The following CSMD1 variants were observed in gnomAD, a reference collection of about 807,000 sequenced individuals.
CSMD1 encodes CUB and sushi domain-containing protein 1.
In CSMD1, 213 loss-of-function variants were observed where a neutral mutation model predicts 417.5. That is an observed-to-expected ratio of 0.51 (90% CI 0.46 to 0.57). The LOEUF (loss-of-function observed/expected upper bound fraction) is 0.57. Among genes scored for constraint, CSMD1 ranks in the 20% least tolerant of loss-of-function variants. The pLI, the probability that CSMD1 is intolerant of heterozygous loss-of-function variation, is 0.00. For missense variants in CSMD1, 6,923 were observed against 4,529.7 expected (o/e 1.53, Z -15.17); for synonymous variants, 2,862 against 1,736.8 (o/e 1.65, Z -16.11).
chr8:4,087,864 T>A (rs942955005), intron 3 of CSMD1, among the ~76,000 whole-genome samples: 1 of 152,146 alleles, frequency 6.6e-6, no homozygotes, highest in East Asian at 1.9e-4. Flanking sequence ...GTGACCTAGG[T>A]GAATTTCTAC....
At chr8:3,246,599 G>A (rs1337216447) in intron 26 of CSMD1, among the ~76,000 whole-genome samples, 1 of 152,146 alleles carries the variant, frequency 6.6e-6, no homozygotes, top group African/African-American at 2.4e-5. Flanking sequence ...AGCCTCCTGA[G>A]TAGCTGGGAT....
chr8:4,889,223 G>C (rs915461906), intron 1 of CSMD1, among the ~76,000 whole-genome samples: 1 of 152,062 alleles, frequency 6.6e-6, no homozygotes, highest in Non-Finnish European at 1.5e-5. Flanking sequence ...GGTATCAGTA[G>C]GAATGACTCT....
At chr8:4,231,640 G>A (rs868204378) in intron 3 of CSMD1, among the ~76,000 whole-genome samples, 1 of 152,138 alleles carries the variant, frequency 6.6e-6, no homozygotes, top group South Asian at 2.1e-4. Context: ...CTTTACTGCA[G>A]GCTCTGTCTG....
At chr8:3,571,814 A>T (rs931640796) in intron 10 of CSMD1, among the ~76,000 whole-genome samples, 22 of 151,990 alleles carry the variant, frequency 1.4e-4, no homozygotes, top group African/African-American at 5.3e-4. Flanking sequence ...AGACCTTATC[A>T]TCTTTCATCT....
Position 3,300,329 on chromosome 8 carries a change from G to T in CSMD1, c.3950+7366C>A, listed in dbSNP as rs372398385. ...ACCTTTTCAAGTGTAGTTTTCTTTG[G>T]TGTTTAAGATTACAGAAAACTACAT... On this transcript the variant is annotated intron_variant, in intron 25 of 69. Transcript: ENST00000635120. 7.9e-5 allele frequency among the ~76,000 whole-genome samples: 12 copies of T among 151,894 alleles called. No individual in the cohort carries two copies. In the South Asian group the frequency reaches 2.5e-3, roughly 32 times the overall value.
At chr8:4,663,094 G>A (rs943620491) in intron 1 of CSMD1, among the ~76,000 whole-genome samples, 1 of 152,188 alleles carries the variant, frequency 6.6e-6, no homozygotes, top group Non-Finnish European at 1.5e-5. Flanking sequence ...CCTGAGGACA[G>A]GAGGGCCAGA....
In CSMD1 at chr8:4,798,217, G is replaced by C. The variant is rs1445855577; in HGVS notation, c.86-160659C>G. Among the ~76,000 whole-genome samples the C allele has an allele frequency of 1.3e-5, 2 of 152,076 alleles. 1 individual carries two copies. The highest frequency in any genetic ancestry group is 4.1e-4 in the South Asian group (2 of 4,822). On this transcript the variant is annotated intron_variant, in intron 1 of 69. Transcript: ENST00000635120. ...GTGATGTTCCCCTTCTTGTGTCCAA[G>C]TGTTCTCATTGTTCAGTTCCCACCT...
At chr8:3,767,884 TGGTAAAAA>T (rs1798369306) in intron 5 of CSMD1, among the ~76,000 whole-genome samples, 1 of 152,182 alleles carries the variant, frequency 6.6e-6, no homozygotes, top group Non-Finnish European at 1.5e-5. Context: ...TTATATATCA[TGGTAAAAA>T]GTTAAAAAGT....
At chr8:4,671,546 T>G (rs1805325951) in intron 1 of CSMD1, among the ~76,000 whole-genome samples, 1 of 152,176 alleles carries the variant, frequency 6.6e-6, no homozygotes, top group South Asian at 2.1e-4. Flanking sequence ...AAGCATCACT[T>G]TTTCCTCTCC....
chr8:4,447,302 C>T (rs183261788), intron 2 of CSMD1, among the ~76,000 whole-genome samples: 3 of 152,248 alleles, frequency 2.0e-5, no homozygotes, highest in African/African-American at 7.2e-5. Context: ...AGACCGTGAT[C>T]ATTATTATTA....
intron 1 of CSMD1, among the ~76,000 whole-genome samples, chr8:4,940,101 G>C (rs1278225804): frequency 6.6e-6 from 1 of 152,128 alleles, no homozygotes; most frequent in Non-Finnish European, 1.5e-5. Context: ...GAACTACCGG[G>C]GGCTGCTGAG....
At chr8:3,612,144 G>T (rs74497848) in intron 8 of CSMD1, among the ~76,000 whole-genome samples, 10 of 152,092 alleles carry the variant, frequency 6.6e-5, no homozygotes, top group African/African-American at 2.4e-4. Flanking sequence ...TTCAAAGAAA[G>T]CTAAAATGGC....
chr8:2,947,788 A>G (rs1014426564), intron 68 of CSMD1, among the ~76,000 whole-genome samples: 1 of 152,192 alleles, frequency 6.6e-6, no homozygotes, highest in African/African-American at 2.4e-5. Context: ...GGTCTAATGC[A>G]TTTATTCCAT....
chr8:4,495,889 C>T (rs532330293), intron 2 of CSMD1, among the ~76,000 whole-genome samples: 4 of 151,974 alleles, frequency 2.6e-5, no homozygotes, highest in African/African-American at 9.7e-5. Context: ...GTTTTTTGCT[C>T]CATCTTACCC....
intron 1 of CSMD1, among the ~76,000 whole-genome samples, chr8:4,949,218 A>C (rs568469341): frequency 6.6e-6 from 1 of 152,112 alleles, no homozygotes; most frequent in Non-Finnish European, 1.5e-5. Flanking sequence ...TGGTTTGTCT[A>C]TAATTTTTTT....
intron 26 of CSMD1, among the ~76,000 whole-genome samples, chr8:3,231,841 A>G (rs1798858240): frequency 6.6e-6 from 1 of 152,210 alleles, no homozygotes; most frequent in Non-Finnish European, 1.5e-5. Context: ...CAGCTAACAA[A>G]TCAGTAAAAA....
intron 47 of CSMD1, 28 bp downstream of exon 47, chr8:3,096,821 C>G (rs772321941): frequency 2.8e-6 from 4 of 1,432,634 alleles, no homozygotes; most frequent in Non-Finnish European, 1.9e-6. Flanking sequence ...GCCGAGGTCA[C>G]TGCTCTACAA....
chr8:3,524,550 T>A (rs570802939), intron 10 of CSMD1, among the ~76,000 whole-genome samples: 1 of 143,558 alleles, frequency 7.0e-6, no homozygotes, highest in Non-Finnish European at 1.5e-5. Context: ...AGCACACACA[T>A]GCACACACAC....
chr8:3,848,696 T>C (rs1803678253), intron 5 of CSMD1, among the ~76,000 whole-genome samples: 1 of 152,150 alleles, frequency 6.6e-6, no homozygotes, highest in Non-Finnish European at 1.5e-5. Flanking sequence ...TTGCACCATC[T>C]GTGTGATCTG....
Sources: allele counts gnomAD v4.1 joint callset (sites outside exome capture counted in the v4.1 genomes callset), GRCh38; gene constraint gnomAD v4.1.1; transcripts MANE v1.5; gene names NCBI Gene and HGNC (gene_info 2026-07-23, HGNC 2026-07-21).